The following DNAJB12 variants were observed in gnomAD, a reference collection of about 807,000 sequenced individuals.
The protein encoded by DNAJB12 is DnaJ heat shock protein family (Hsp40) member B12.
In DNAJB12, 14 loss-of-function variants were observed where a neutral mutation model predicts 40.6. That is an observed-to-expected ratio of 0.34 (90% CI 0.23 to 0.54). The LOEUF (loss-of-function observed/expected upper bound fraction) is 0.54, where lower values mean the gene tolerates loss of function less well. DNAJB12 is among the 20% of genes least tolerant of loss of function. The pLI is 0.92. For synonymous variants in DNAJB12, 181 were observed against 199.5 expected, an observed-to-expected ratio of 0.91 and a Z score of 0.78; for missense variants, 444 against 501.7, an observed-to-expected ratio of 0.89 and a Z score of 1.10.
At chr10:72,338,769 G>C (rs1421581163) in intron 5 of DNAJB12, among the ~76,000 whole-genome samples, 2 of 152,022 alleles carry the variant, frequency 1.3e-5, no homozygotes, top group African/African-American at 2.4e-5. Flanking sequence ...AGGAGTTCAA[G>C]ACCAGTCTGG....
chr10:72,340,825 GTAGGTA>G lies in DNAJB12; in HGVS notation c.681_686del (p.Thr228_Tyr229del), dbSNP rs1564819377. ...TGTCCCTGCGGTCCTGCCTTTGCTG[GTAGGTA>G]TAGCGCATGCGGCCGTTGCTGTAGA... On this transcript the variant is annotated inframe_deletion, in exon 5 of 9. Coordinates refer to ENST00000444643, the MANE Select transcript of DNAJB12 (RefSeq NM_017626.7). The G allele has an allele frequency of 1.2e-6, 2 of 1,614,206 alleles. No individual in the cohort carries two copies. Among genetic ancestry groups the G allele is most frequent in the Non-Finnish European group, 1.7e-6 (2 of 1,180,022 alleles).
chr10:72,340,964 T>TGGGGA, intron 4 of DNAJB12, 21 bp downstream of exon 4: 1 of 1,611,388 alleles, frequency 6.2e-7, no homozygotes, highest in Non-Finnish European at 8.5e-7. Context: ...TACCTGGCTG[T>TGGGGA]GGGGAGGGTG....
Position 72,335,154 on chromosome 10 carries a change from G to C in DNAJB12, c.*31-537C>G. On this transcript the variant is annotated intron_variant, in intron 8 of 8. Transcript: ENST00000444643. The surrounding 1 kb of genome is among the most constrained non-coding windows in gnomAD (Gnocchi z 4.4). ...CAGGCTGCCAGGTGTGACGGCATTC[G>C]AGAGAGTGCCTCAGATCCCACCAGA... The C allele has an allele frequency of 1.0e-6, 1 of 988,252 alleles. No individual in the cohort carries two copies. The highest frequency in any genetic ancestry group is 1.2e-6 in the Non-Finnish European group (1 of 831,378). The allele number at this position is 988,252 out of a possible 1,614,324, so 61.2% of individuals were successfully genotyped here. A position where few individuals can be genotyped will look rare whatever the true frequency, so the allele number is the denominator to read the frequency against.
chr10:72,336,791 C>G (rs1310764982), intron 6 of DNAJB12, 95 bp from the exon 7 acceptor site: 3 of 1,055,918 alleles, frequency 2.8e-6, no homozygotes, highest in African/African-American at 3.2e-5. Context: ...CCGCACAGAC[C>G]AGAGGAGTAG....
At position 72,335,828 on chromosome 10, in the gene DNAJB12, C is replaced by G. The variant is rs756761852; in HGVS notation, c.1110G>C (p.Gln370His). The G allele has an allele frequency of 6.2e-7, 1 of 1,614,182 alleles. No homozygotes were observed. The stretch of plus-strand genomic sequence containing the variant: ...CCCAGGACTATCCATGCAGGGAGGC[C>G]TGCACCTCTGACAGTCGGCTGCAGC... ...TPSCSRLSEV[Q>H]ASLHG The change falls in exon 8 of 9, where the codon CAG becomes CAC. Residue 370 changes from glutamine (Q) to histidine (H), a missense_variant. Gln to His is a conservative substitution (Grantham distance 24). Coordinates refer to ENST00000444643, the MANE Select transcript of DNAJB12 (RefSeq NM_017626.7). The surrounding 1 kb of genome is among the most constrained non-coding windows in gnomAD (Gnocchi z 4.4).
chr10:72,350,439 G>A (rs1023281185), intron 1 of DNAJB12, among the ~76,000 whole-genome samples: 4 of 150,170 alleles, frequency 2.7e-5, no homozygotes, highest in African/African-American at 9.8e-5. Context: ...ACTGCCCGAT[G>A]GGTTCAAACC....
In DNAJB12 at chr10:72,335,546, C is replaced by T; in HGVS notation, c.*30+234G>A. 1 of 1,279,930 alleles carries T rather than the reference C, an allele frequency of 7.8e-7. No homozygotes were observed. Among genetic ancestry groups the T allele is most frequent in the Non-Finnish European group, 9.9e-7 (1 of 1,005,282 alleles). The allele number at this position is 1,279,930 out of a possible 1,614,324, so 79.3% of individuals were successfully genotyped here. On this transcript the variant is annotated intron_variant, in intron 8 of 8. Transcript: ENST00000444643. The surrounding 1 kb of genome is among the most constrained non-coding windows in gnomAD (Gnocchi z 4.4). The stretch of plus-strand genomic sequence containing the variant: ...TCTGGGGTCCCCCACACCCCTGGAG[C>T]CAGGGAGCAGAGCGGAGGAGTGGGG...
rs186354062 is a variant in DNAJB12 at position 72,353,003 on chromosome 10, A to G, written c.133+1762T>C. ...TCCCAGGTCTTTGTCAGCTCAGTGG[A>G]GGGCTGCAGATGGTAAAGTTTACAC... On this transcript the variant is annotated intron_variant, in intron 1 of 8. Transcript: ENST00000444643. Among the ~76,000 whole-genome samples, 24 of 152,332 alleles carry G rather than the reference A, an allele frequency of 1.6e-4. No homozygotes were observed. In the East Asian group the frequency reaches 4.6e-3, roughly 29 times the overall value.
intron 3 of DNAJB12, among the ~76,000 whole-genome samples, chr10:72,342,539 T>G (rs145975767): frequency 0.011 from 1,682 of 152,206 alleles, 32 homozygotes; most frequent in African/African-American, 0.038. Flanking sequence ...CCCGGGACAC[T>G]GCACACCAGG....
chr10:72,340,844 C>T lies in DNAJB12; in HGVS notation c.668G>A (p.Gly223Asp), dbSNP rs758733979. The T allele has an allele frequency of 7.4e-6, 12 of 1,614,176 alleles. No homozygotes were observed. The South Asian group carries it at 1.1e-4, about 15-fold the overall frequency. The part of the protein sequence containing the change: ...PSSNVHVYSN[G>D]RMRYTYQQRQ... ...TTGCTGGTAGGTATAGCGCATGCGG[C>T]CGTTGCTGTAGACGTGGACGTTACC... Residue 223 changes from glycine (G) to aspartate (D), a missense_variant, in exon 5 of 9, where the codon GGC becomes GAC. Gly to Asp is a moderately conservative substitution (Grantham distance 94). Transcript: ENST00000444643.
Position 72,334,336 on chromosome 10 carries a change from C to T in DNAJB12, c.*312G>A, listed in dbSNP as rs1004098781. 5.8e-6 allele frequency: 3 copies of T among 517,802 alleles called. 1 individual carries two copies. The highest frequency in any genetic ancestry group is 4.1e-5 in the African/African-American group (2 of 49,280). 32.1% of individuals were successfully genotyped at this position (517,802 alleles called of 1,614,324 possible). A position where few individuals can be genotyped will look rare whatever the true frequency, so the allele number is the denominator to read the frequency against. ...CAGCCCTTCCCACTGATATCTGCTG[C>T]GAGTTTTACATTCTACTTTCGTTGC... On this transcript the variant is annotated 3_prime_UTR_variant, in exon 9 of 9. Coordinates refer to ENST00000444643, the MANE Select transcript of DNAJB12 (RefSeq NM_017626.7).
intron 1 of DNAJB12, chr10:72,354,468 A>C: frequency 2.6e-6 from 1 of 390,282 alleles, no homozygotes; most frequent in South Asian, 3.8e-5. Context: ...ACTTCCAGGT[A>C]AGTTCCCTTC....
intron 1 of DNAJB12, among the ~76,000 whole-genome samples, chr10:72,347,769 C>T (rs1038282303): frequency 1.3e-5 from 2 of 151,500 alleles, no homozygotes; most frequent in African/African-American, 2.4e-5. Context: ...AAAAATTAGC[C>T]GAACATGGTG....
rs1861386212 is a variant in DNAJB12 at position 72,333,776 on chromosome 10, G to A, written c.*872C>T. 6.6e-6 allele frequency: 1 copy of A among 152,648 alleles called. No individual in the cohort carries two copies. The highest frequency in any genetic ancestry group is 1.5e-5 in the Non-Finnish European group (1 of 68,118). 9.5% of individuals were successfully genotyped at this position (152,648 alleles called of 1,614,324 possible). ...GAGCCCACCAGCGCTGCTGAGAGGG[G>A]AGAGGTGGTCTCACCCAAGCAGGTC... On this transcript the variant is annotated 3_prime_UTR_variant, in exon 9 of 9. Coordinates refer to ENST00000444643, the MANE Select transcript of DNAJB12 (RefSeq NM_017626.7).
intron 1 of DNAJB12, chr10:72,354,455 T>G: frequency 2.9e-6 from 1 of 347,784 alleles, no homozygotes; most frequent in East Asian, 5.0e-5. Flanking sequence ...GTAGTTCGAG[T>G]TCACTTCCAG....
At chr10:72,344,308 G>A (rs570089925) in intron 2 of DNAJB12, among the ~76,000 whole-genome samples, 11 of 152,348 alleles carry the variant, frequency 7.2e-5, no homozygotes, top group Admixed American at 5.2e-4. Context: ...CAGCAGTCAT[G>A]CTCAGTCTCA....
intron 1 of DNAJB12, among the ~76,000 whole-genome samples, chr10:72,348,036 C>T (rs1239745080): frequency 6.6e-6 from 1 of 151,662 alleles, no homozygotes; most frequent in Admixed American, 6.6e-5. Context: ...CCAGCCTGGC[C>T]AGCATGGTGA....
intron 5 of DNAJB12, among the ~76,000 whole-genome samples, chr10:72,339,900 G>A (rs1027029324): frequency 3.3e-5 from 5 of 151,844 alleles, no homozygotes; most frequent in Admixed American, 1.3e-4. Flanking sequence ...TAGTAGAGAC[G>A]GGGTTTCACC....
At chr10:72,337,213 G>T (rs1861501978) in intron 6 of DNAJB12, among the ~76,000 whole-genome samples, 1 of 152,238 alleles carries the variant, frequency 6.6e-6, no homozygotes, top group Admixed American at 6.5e-5. Flanking sequence ...AGTGCTCTGG[G>T]GACAACAGTC....
Sources: allele counts gnomAD v4.1 joint callset (sites outside exome capture counted in the v4.1 genomes callset), GRCh38; gene constraint gnomAD v4.1.1; non-coding constraint Gnocchi (gnomAD v3.1); transcripts MANE v1.5; gene names NCBI Gene and HGNC (gene_info 2026-07-23, HGNC 2026-07-21).